Variants in SORCS1 observed in about 807,000 individuals in gnomAD.
SORCS1 encodes the protein VPS10 domain-containing receptor SorCS1.
In SORCS1, 60 loss-of-function variants were observed where a neutral mutation model predicts 146.1. The ratio of observed to expected loss-of-function variants is 0.41; its 90% CI spans 0.33 to 0.51. The LOEUF (loss-of-function observed/expected upper bound fraction) is 0.51. Ranked by LOEUF, SORCS1 falls within the 20% of genes least tolerant of loss-of-function variation. The pLI, the probability that SORCS1 is intolerant of heterozygous loss-of-function variation, is 0.21. For missense variants in SORCS1, 1,352 were observed against 1,487.6 expected (o/e 0.91, Z 1.50); for synonymous variants, 637 against 584.0 (o/e 1.09, Z -1.31).
chr10:106,893,135 T>C (rs570794979), intron 2 of SORCS1, among the ~76,000 whole-genome samples: 1 of 152,068 alleles, frequency 6.6e-6, no homozygotes, highest in Non-Finnish European at 1.5e-5. Flanking sequence ...ACTCCTGACC[T>C]CAGGTGATCC....
At chr10:106,952,519 C>T (rs1454709141) in intron 2 of SORCS1, among the ~76,000 whole-genome samples, 3 of 137,950 alleles carry the variant, frequency 2.2e-5, no homozygotes, top group African/African-American at 5.3e-5. Context: ...AAAGTCCTAC[C>T]GAGGTTTCAT....
chr10:107,068,703 A>G (rs1962141354), intron 1 of SORCS1, among the ~76,000 whole-genome samples: 1 of 152,074 alleles, frequency 6.6e-6, no homozygotes, highest in Admixed American at 6.6e-5. Flanking sequence ...CATCTCTACT[A>G]AAAATACAAA....
At chr10:107,018,683 A>G (rs1958002800) in intron 1 of SORCS1, among the ~76,000 whole-genome samples, 1 of 152,148 alleles carries the variant, frequency 6.6e-6, no homozygotes, top group Non-Finnish European at 1.5e-5. Context: ...AAAAATTAAA[A>G]AAAAAAACAA....
At chr10:106,745,193 C>T (rs1857636261) in intron 5 of SORCS1, among the ~76,000 whole-genome samples, 1 of 152,006 alleles carries the variant, frequency 6.6e-6, no homozygotes, top group Admixed American at 6.5e-5. Context: ...CCGGGCAGAC[C>T]AAGAGGTCAG....
At chr10:106,764,558 C>T (rs1309295042) in intron 4 of SORCS1, among the ~76,000 whole-genome samples, 2 of 152,230 alleles carry the variant, frequency 1.3e-5, no homozygotes, top group East Asian at 1.9e-4. Flanking sequence ...TGTCAGAACA[C>T]GGAACTGAGA....
At chr10:106,926,698 T>C (rs1953040006) in intron 2 of SORCS1, among the ~76,000 whole-genome samples, 1 of 152,116 alleles carries the variant, frequency 6.6e-6, no homozygotes, top group Admixed American at 6.6e-5. Context: ...TAGCAGGTTT[T>C]TACTCTGAAG....
At chr10:107,072,421 G>T (rs1049197630) in intron 1 of SORCS1, among the ~76,000 whole-genome samples, 1 of 152,022 alleles carries the variant, frequency 6.6e-6, no homozygotes, top group South Asian at 2.1e-4. Context: ...GCCTTGGAAC[G>T]GCTAATAACC....
intron 2 of SORCS1, among the ~76,000 whole-genome samples, chr10:106,932,069 G>T (rs1953449642): frequency 6.6e-6 from 1 of 152,060 alleles, no homozygotes; most frequent in Non-Finnish European, 1.5e-5. Flanking sequence ...ATACCCTGGG[G>T]ATGTTCTCAT....
intron 6 of SORCS1, among the ~76,000 whole-genome samples, chr10:106,727,897 C>T (rs928076896): frequency 4.6e-5 from 7 of 152,144 alleles, no homozygotes; most frequent in African/African-American, 7.2e-5. Context: ...TGAAAACCCG[C>T]CTAAAGGCCT....
chr10:106,603,013 T>C (rs138807153), intron 23 of SORCS1, among the ~76,000 whole-genome samples: 1 of 152,328 alleles, frequency 6.6e-6, no homozygotes, highest in Admixed American at 6.5e-5. Context: ...ATATATATTT[T>C]TGTGGTTGAC....
intron 3 of SORCS1, among the ~76,000 whole-genome samples, chr10:106,822,506 T>C (rs1948088067): frequency 6.6e-6 from 1 of 152,196 alleles, no homozygotes; most frequent in Non-Finnish European, 1.5e-5. Flanking sequence ...CCCAGGGGAT[T>C]ACTGTTGGAA....
At chr10:106,660,777 A>C (rs2044191913) in intron 17 of SORCS1, among the ~76,000 whole-genome samples, 1 of 151,606 alleles carries the variant, frequency 6.6e-6, no homozygotes, top group Admixed American at 6.6e-5. Context: ...TCCCCATTGC[A>C]TATTGAGAAA....
intron 6 of SORCS1, among the ~76,000 whole-genome samples, chr10:106,715,053 G>T (rs935997820): frequency 6.6e-6 from 1 of 152,188 alleles, no homozygotes; most frequent in Non-Finnish European, 1.5e-5. Context: ...TTCCTGGTTT[G>T]TTCCCTTTCT....
chr10:106,685,532 A>C (rs1852764855), intron 10 of SORCS1, among the ~76,000 whole-genome samples: 1 of 152,232 alleles, frequency 6.6e-6, no homozygotes, highest in Non-Finnish European at 1.5e-5. Context: ...ATAATGAAGC[A>C]ATGATCTGAA....
intron 2 of SORCS1, among the ~76,000 whole-genome samples, chr10:106,935,127 C>T (rs1953647563): frequency 6.6e-6 from 1 of 152,030 alleles, no homozygotes; most frequent in Admixed American, 6.6e-5. Flanking sequence ...TACCCACTTA[C>T]AAATGAGGAA....
intron 9 of SORCS1, among the ~76,000 whole-genome samples, chr10:106,689,001 T>C: frequency 6.6e-6 from 1 of 152,346 alleles, no homozygotes; most frequent in African/African-American, 2.4e-5. Context: ...GTAAGATCTC[T>C]CTGTTAAGCC....
At chr10:107,103,383 T>G (rs1431204232) in intron 1 of SORCS1, among the ~76,000 whole-genome samples, 1 of 152,224 alleles carries the variant, frequency 6.6e-6, no homozygotes, top group African/African-American at 2.4e-5. Context: ...ATATATGCTC[T>G]CTAGACAAAC....
chr10:106,639,754 G>A (rs1238952264), intron 18 of SORCS1, among the ~76,000 whole-genome samples: 2 of 152,148 alleles, frequency 1.3e-5, no homozygotes, highest in Non-Finnish European at 2.9e-5. Flanking sequence ...AACAGTTGAG[G>A]CATCTACGTC....
chr10:107,047,161 G>T (rs1454094697), intron 1 of SORCS1, among the ~76,000 whole-genome samples: 1 of 151,776 alleles, frequency 6.6e-6, no homozygotes, highest in Non-Finnish European at 1.5e-5. Context: ...GCTACTTTTC[G>T]TATTTTTAGT....
Sources: gnomAD v4.1 joint callset for allele counts (sites outside exome capture counted in the v4.1 genomes callset) on GRCh38, gnomAD v4.1.1 for gene constraint, MANE v1.5 for transcripts, NCBI Gene and HGNC (gene_info 2026-07-23, HGNC 2026-07-21) for gene names.